Variants in POU2F3 observed in about 807,000 individuals in gnomAD.
POU2F3 encodes the protein POU domain, class 2, transcription factor 3.
POU2F3 carries 23 observed loss-of-function variants against 59.2 expected under a neutral mutation model. That is an observed-to-expected ratio of 0.39 (90% CI 0.28 to 0.55). The LOEUF (loss-of-function observed/expected upper bound fraction) is 0.55. POU2F3 is among the 20% of genes least tolerant of loss of function. The pLI is 0.66. For missense variants in POU2F3, 473 were observed against 544.5 expected, an observed-to-expected ratio of 0.87 and a Z score of 1.31; for synonymous variants, 190 against 214.6, an observed-to-expected ratio of 0.89 and a Z score of 1.00.
intron 1 of POU2F3, among the ~76,000 whole-genome samples, chr11:120,242,202 C>T (rs1938693542): frequency 6.6e-6 from 1 of 152,196 alleles, no homozygotes; most frequent in African/African-American, 2.4e-5. Flanking sequence ...TGAGGGTTCC[C>T]CTTCAGTGGC....
chr11:120,236,795 C>G (rs773891791), upstream of POU2F3: 9 of 1,291,562 alleles, frequency 7.0e-6, no homozygotes, highest in African/African-American at 1.2e-4. Context: ...AAAGATTGCT[C>G]ACCATTCCCC....
At chr11:120,260,791 C>T (rs943633338) in intron 2 of POU2F3, among the ~76,000 whole-genome samples, 2 of 152,102 alleles carry the variant, frequency 1.3e-5, no homozygotes, top group East Asian at 3.9e-4. Flanking sequence ...GCCAGAACCT[C>T]GCACGGTGAC....
In POU2F3 at chr11:120,299,694, T is replaced by A; in HGVS notation, c.329T>A (p.Phe110Tyr). The A allele has an allele frequency of 6.2e-7, 1 of 1,613,576 alleles. No individual in the cohort carries two copies. Among genetic ancestry groups the A allele is most frequent in the South Asian group, 1.1e-5 (1 of 91,076 alleles). The change falls in exon 5 of 13, where the codon TTC (phenylalanine) becomes TAC (tyrosine). Residue 110 changes from phenylalanine (F) to tyrosine (Y), a missense_variant. Coordinates refer to ENST00000543440, the MANE Select transcript of POU2F3 (RefSeq NM_014352.4). ...GGCCACTTACAGTCTGTATCCCAGT[T>A]CCTGCTATCTCAGACCCAGCCTGGG... ...VPGHLQSVSQ[F>Y]LLSQTQPGQQ...
At position 120,304,942 on chromosome 11, in the gene POU2F3, TAAAAAAAAAAAAA is replaced by T. The variant is rs11443197; in HGVS notation, c.445-71_445-59del. The T allele has an allele frequency of 2.9e-4, 96 of 336,634 alleles. 1 individual carries two copies. The highest frequency in any genetic ancestry group is 1.4e-3 in the African/African-American group (25 of 18,268). 20.9% of individuals were successfully genotyped at this position (336,634 alleles called of 1,614,324 possible). On this transcript the variant is annotated intron_variant, in intron 6 of 12. Coordinates refer to ENST00000543440, the MANE Select transcript of POU2F3 (RefSeq NM_014352.4). ...GTCATCCTCTAAGTGGGCCTATTAGTAAAAAAAAAAAAAAAAAAAAAAAAAAAAATCAGAAAAT... is the reference window on the plus strand; with the variant it reads ...GTCATCCTCTAAGTGGGCCTATTAGTAAAAAAAAAAAAAAAATCAGAAAAT...
chr11:120,250,697 T>C (rs1406730814), intron 2 of POU2F3, among the ~76,000 whole-genome samples: 1 of 152,144 alleles, frequency 6.6e-6, no homozygotes. Flanking sequence ...GGTAGCTGTC[T>C]GGGCGCGGTG....
At chr11:120,299,902 T>C (rs1391602905) in intron 5 of POU2F3, among the ~76,000 whole-genome samples, 176 bp downstream of exon 5, 2 of 152,234 alleles carry the variant, frequency 1.3e-5, no homozygotes, top group African/African-American at 4.8e-5. Flanking sequence ...GCAATGCTCC[T>C]CCAGGCTTAG....
At chr11:120,260,630 C>G (rs1214016235) in intron 2 of POU2F3, among the ~76,000 whole-genome samples, 4 of 152,288 alleles carry the variant, frequency 2.6e-5, no homozygotes, top group Middle Eastern at 3.4e-3. Context: ...ATGTTTAACC[C>G]AAATCCCTCC....
At chr11:120,254,373 T>C (rs1342244648) in intron 2 of POU2F3, among the ~76,000 whole-genome samples, 2 of 152,194 alleles carry the variant, frequency 1.3e-5, no homozygotes, top group Non-Finnish European at 2.9e-5. Flanking sequence ...GCAGTCTCTT[T>C]TCTGGTCGAG....
chr11:120,240,138 G>A (rs1938598098), upstream of POU2F3: 1 of 1,188,776 alleles, frequency 8.4e-7, no homozygotes, highest in Non-Finnish European at 1.0e-6. Flanking sequence ...GCTCACCTGG[G>A]GAGTGTGGCA....
chr11:120,275,800 A>C (rs1042761856), intron 3 of POU2F3, among the ~76,000 whole-genome samples: 37 of 152,174 alleles, frequency 2.4e-4, no homozygotes, highest in African/African-American at 8.9e-4. Context: ...CTGTTTCTGG[A>C]CACCTGCGCC....
intron 3 of POU2F3, among the ~76,000 whole-genome samples, chr11:120,291,012 A>C (rs1384364861): frequency 6.6e-6 from 1 of 152,206 alleles, no homozygotes; most frequent in African/African-American, 2.4e-5. Flanking sequence ...CCCACCTTGT[A>C]GTTACTTTGT....
intron 2 of POU2F3, chr11:120,266,029 A>T (rs1939814224): frequency 6.6e-6 from 1 of 152,230 alleles, no homozygotes; most frequent in African/African-American, 2.4e-5. Context: ...TGAGGGCTAC[A>T]CAATTGATAC....
rs76948679 is a variant in POU2F3, at chr11:120,285,743, C to T, written c.133-12522C>T. Among the ~76,000 whole-genome samples, 331 of 152,244 alleles carry T rather than the reference C, an allele frequency of 2.2e-3. 9 individuals carry two copies. In the East Asian group the frequency reaches 0.06, roughly 28 times the overall value. On this transcript the variant is annotated intron_variant, in intron 3 of 12. Coordinates refer to ENST00000543440, the MANE Select transcript of POU2F3 (RefSeq NM_014352.4). The surrounding 1 kb of genome is among the most constrained non-coding windows in gnomAD (Gnocchi z 4.3). ...AATGTATAAATTTTTGTGGCCTACA[C>T]ACATATGTACAAATTATACCGTATA...
intron 1 of POU2F3, among the ~76,000 whole-genome samples, chr11:120,244,698 T>C (rs1938799695): frequency 6.6e-6 from 1 of 152,198 alleles, no homozygotes; most frequent in Non-Finnish European, 1.5e-5. Flanking sequence ...TGGTGAAGTA[T>C]GAGCTGAGCA....
chr11:120,295,757 TG>T (rs753054933), intron 3 of POU2F3, among the ~76,000 whole-genome samples: 1 of 152,204 alleles, frequency 6.6e-6, no homozygotes, highest in Non-Finnish European at 1.5e-5. Flanking sequence ...GTGGGGCTCT[TG>T]GAGACAACTC....
In POU2F3 at chr11:120,277,163, C is replaced by T. The variant is rs146615309; in HGVS notation, c.132+7919C>T. Among the ~76,000 whole-genome samples the T allele has an allele frequency of 4.8e-3, 726 of 152,170 alleles. 4 individuals carry two copies. Among genetic ancestry groups the T allele is most frequent in the Non-Finnish European group, 7.4e-3 (506 of 68,010 alleles). ...AAGTTTAGCCGGGCATGGTGGTGCA[C>T]GCCTGTAATCCCAGCTACTTGGGAG... On this transcript the variant is annotated intron_variant, in intron 3 of 12. Coordinates refer to ENST00000543440, the MANE Select transcript of POU2F3 (RefSeq NM_014352.4).
At position 120,317,263 on chromosome 11, in the gene POU2F3, G is replaced by A. The variant is rs139827446; in HGVS notation, c.1170G>A (p.Arg390=). The part of the protein sequence containing the change: ...TSSCSPGNNS[R]PSSPGSGLHA... ...CCTGTTCCCCTGGGAACAACAGCAG[G>A]CCTTCATCTCCTGGCTCAGGACTCC... The change falls in exon 12 of 13, where the codon AGG becomes AGA. Residue 390 remains arginine, a synonymous_variant. Transcript: ENST00000543440. 472 of 1,613,900 alleles carry A rather than the reference G, an allele frequency of 2.9e-4. 2 individuals are homozygous for A. The highest frequency in any genetic ancestry group is 5.3e-4 in the Admixed American group (32 of 59,988).
At position 120,264,527 on chromosome 11, in the gene POU2F3, G is replaced by C. The variant is rs566199737; in HGVS notation, c.98-4683G>C. On this transcript the variant is annotated intron_variant, in intron 2 of 12. Transcript: ENST00000543440. ...GAGGAGGAGAGAAGGGCCTTTCAGA[G>C]GGAGCAGCATATGCAAAGTCCCCAA... 2.5e-4 allele frequency among the ~76,000 whole-genome samples: 38 copies of C among 152,294 alleles called. 1 individual carries two copies. In the South Asian group the frequency reaches 7.7e-3, roughly 31 times the overall value.
chr11:120,302,502 T>C, intron 6 of POU2F3, 134 bp downstream of exon 6: 1 of 766,708 alleles, frequency 1.3e-6, no homozygotes, highest in Non-Finnish European at 2.1e-6. Context: ...GAACTATCCA[T>C]TGGCACAGGG....
Sources: allele counts gnomAD v4.1 joint callset (sites outside exome capture counted in the v4.1 genomes callset), GRCh38; gene constraint gnomAD v4.1.1; non-coding constraint Gnocchi (gnomAD v3.1); transcripts MANE v1.5; gene names NCBI Gene and HGNC (gene_info 2026-07-23, HGNC 2026-07-21).